Variants in FRMD4A observed in about 807,000 individuals in gnomAD.
The protein encoded by FRMD4A is FERM domain-containing protein 4A.
FRMD4A carries 29 observed loss-of-function variants against 129.1 expected under a neutral mutation model. The ratio of observed to expected loss-of-function variants is 0.22; its 90% confidence interval spans 0.17 to 0.31. The LOEUF (loss-of-function observed/expected upper bound fraction) is 0.31. Ranked by LOEUF, FRMD4A falls within the 10% of genes least tolerant of loss-of-function variation. The probability of loss-of-function intolerance (pLI) is 1.00; values close to 1 mark genes in which losing one functional copy is unlikely to be tolerated. For missense variants in FRMD4A, 1,272 were observed against 1,375.8 expected (o/e 0.92, Z 1.19); for synonymous variants, 634 against 571.6 (o/e 1.11, Z -1.56).
chr10:13,852,813 G>A (rs2094158153), intron 3 of FRMD4A, among the ~76,000 whole-genome samples: 2 of 152,080 alleles, frequency 1.3e-5, no homozygotes, highest in Admixed American at 6.6e-5. Flanking sequence ...ATGGCCACAT[G>A]TGGCTGGTGG....
At chr10:13,890,666 A>T (rs576808415) in intron 2 of FRMD4A, 1 of 985,364 alleles carries the variant, frequency 1.0e-6, no homozygotes. Context: ...AGCCAGAAAC[A>T]GCAGTAGCAG....
intron 19 of FRMD4A, among the ~76,000 whole-genome samples, chr10:13,662,216 C>T (rs1216612886): frequency 6.6e-6 from 1 of 152,188 alleles, no homozygotes; most frequent in African/African-American, 2.4e-5. Context: ...CCCCCCATTT[C>T]CTTGTAGCCC....
intron 2 of FRMD4A, among the ~76,000 whole-genome samples, chr10:14,049,673 G>A (rs1341362725): frequency 1.3e-5 from 2 of 152,120 alleles, no homozygotes; most frequent in Non-Finnish European, 2.9e-5. Flanking sequence ...TGGCCACCAT[G>A]GCAAAACCCT....
At chr10:14,310,493 CG>C (rs1331128585) in intron 2 of FRMD4A, among the ~76,000 whole-genome samples, 1 of 152,124 alleles carries the variant, frequency 6.6e-6, no homozygotes, top group Admixed American at 6.5e-5. Context: ...AAAGCTTGCA[CG>C]GGTGAATGCT....
chr10:14,073,600 C>T (rs1423835822), intron 2 of FRMD4A, among the ~76,000 whole-genome samples: 1 of 152,016 alleles, frequency 6.6e-6, no homozygotes, highest in East Asian at 1.9e-4. Flanking sequence ...GGGATGATGG[C>T]TGATGTTGTT....
At chr10:13,907,196 A>G (rs1431505709) in intron 2 of FRMD4A, among the ~76,000 whole-genome samples, 1 of 152,120 alleles carries the variant, frequency 6.6e-6, no homozygotes, top group East Asian at 1.9e-4. Context: ...TAGAAAATGC[A>G]CCTGAGTTGT....
intron 2 of FRMD4A, among the ~76,000 whole-genome samples, chr10:14,010,370 T>C (rs2095677171): frequency 6.6e-6 from 1 of 152,204 alleles, no homozygotes; most frequent in African/African-American, 2.4e-5. Flanking sequence ...AAAATACATA[T>C]AGAAGAGAAT....
intron 12 of FRMD4A, among the ~76,000 whole-genome samples, chr10:13,728,589 T>TTTTTTTTTTTTTTTTTTTC (rs1255230756): frequency 6.9e-6 from 1 of 145,536 alleles, no homozygotes; most frequent in African/African-American, 2.5e-5. Context: ...TTTTTTTTTT[T>TTTTTTTTTTTTTTTTTTTC]TGAGATGGAG....
intron 2 of FRMD4A, among the ~76,000 whole-genome samples, chr10:14,312,228 C>T (rs1349058351): frequency 1.3e-5 from 2 of 152,130 alleles, no homozygotes; most frequent in Non-Finnish European, 2.9e-5. Flanking sequence ...AATTGATATT[C>T]ACTGCTCATT....
chr10:14,261,986 A>ACACACACACC (rs1491315574), intron 2 of FRMD4A, among the ~76,000 whole-genome samples: 47 of 139,214 alleles, frequency 3.4e-4, no homozygotes, highest in Middle Eastern at 7.5e-3. Context: ...ACACACACAC[A>ACACACACACC]CCTCATTTTC....
At chr10:14,125,884 C>A (rs1349061925) in intron 2 of FRMD4A, among the ~76,000 whole-genome samples, 1 of 152,078 alleles carries the variant, frequency 6.6e-6, no homozygotes, top group Non-Finnish European at 1.5e-5. Context: ...CAAAACAGAA[C>A]AAAACAAAAC....
chr10:14,125,948 T>C (rs1017415084), intron 2 of FRMD4A, among the ~76,000 whole-genome samples: 2 of 151,692 alleles, frequency 1.3e-5, no homozygotes, highest in African/African-American at 4.9e-5. Flanking sequence ...AAGGCTGAGA[T>C]GAGCTCTAAC....
chr10:13,853,543 A>AC (rs2094168591), intron 3 of FRMD4A, among the ~76,000 whole-genome samples: 2 of 151,988 alleles, frequency 1.3e-5, no homozygotes, highest in Admixed American at 6.6e-5. Context: ...CCTGAAAAAA[A>AC]AGTGGGGGCC....
At position 13,656,664 on chromosome 10, in the gene FRMD4A, CCTG is replaced by C; in HGVS notation, c.2922_2924del (p.Arg975del). On this transcript the variant is annotated inframe_deletion, in exon 22 of 25. Transcript: ENST00000357447. ...ACGTGGCCTTGCACATCTGGGGCAT[CCTG>C]GTGACCCTGCTGTGCGCCACGAAGG... The C allele has an allele frequency of 6.6e-7, 1 of 1,506,466 alleles. No homozygotes were observed. The highest frequency in any genetic ancestry group is 8.9e-7 in the Non-Finnish European group (1 of 1,122,932). The allele number at this position is 1,506,466 out of a possible 1,614,324, so 93.3% of individuals were successfully genotyped here.
chr10:13,932,217 C>T (rs552312308), intron 2 of FRMD4A, among the ~76,000 whole-genome samples: 2 of 152,194 alleles, frequency 1.3e-5, no homozygotes, highest in African/African-American at 4.8e-5. Flanking sequence ...GAATCTAGCA[C>T]AGTAAGTGGC....
At chr10:14,189,489 G>A (rs1842251950) in intron 2 of FRMD4A, among the ~76,000 whole-genome samples, 1 of 152,102 alleles carries the variant, frequency 6.6e-6, no homozygotes, top group Admixed American at 6.5e-5. Context: ...CAGGAGAATT[G>A]CTAGAACCTG....
intron 5 of FRMD4A, among the ~76,000 whole-genome samples, chr10:13,787,621 G>A (rs551294258): frequency 6.7e-4 from 102 of 152,140 alleles, no homozygotes; most frequent in African/African-American, 2.3e-3. Context: ...CCACCATGCT[G>A]ACTAATTTTT....
intron 2 of FRMD4A, among the ~76,000 whole-genome samples, chr10:13,951,509 A>G (rs2095370195): frequency 6.6e-6 from 1 of 152,122 alleles, no homozygotes; most frequent in Non-Finnish European, 1.5e-5. Flanking sequence ...GAAGGGCTGG[A>G]GAGTACAGAT....
chr10:14,008,453 T>C, intron 2 of FRMD4A: 1 of 999,080 alleles, frequency 1.0e-6, no homozygotes, highest in Non-Finnish European at 1.2e-6. Context: ...TCAGCGAGAC[T>C]GCCGTGTCCC....
Sources: allele counts gnomAD v4.1 joint callset (sites outside exome capture counted in the v4.1 genomes callset), GRCh38; gene constraint gnomAD v4.1.1; transcripts MANE v1.5; gene names NCBI Gene and HGNC (gene_info 2026-07-23, HGNC 2026-07-21).